The following GLG1 variants were observed in gnomAD, a reference collection of about 807,000 sequenced individuals.
The protein encoded by GLG1 is golgi glycoprotein 1.
A neutral mutation model predicts 160.5 loss-of-function variants in GLG1; 38 were observed. The observed-to-expected ratio is 0.24, with a 90% confidence interval of 0.18 to 0.31. The LOEUF (loss-of-function observed/expected upper bound fraction) is 0.31, where lower values mean the gene tolerates loss of function less well. Among genes scored for constraint, GLG1 ranks in the 10% least tolerant of loss-of-function variants. GLG1 has a pLI of 1.00. For synonymous variants in GLG1, 644 were observed against 543.4 expected, an observed-to-expected ratio of 1.19 and a Z score of -2.57; for missense variants, 1,373 against 1,505.2, an observed-to-expected ratio of 0.91 and a Z score of 1.45.
intron 1 of GLG1, among the ~76,000 whole-genome samples, chr16:74,550,505 G>A (rs1352123598): frequency 1.3e-5 from 2 of 152,124 alleles, no homozygotes; most frequent in African/African-American, 4.8e-5. Flanking sequence ...TCATTGGCAT[G>A]GGCAGGCGAG....
At chr16:74,594,571 T>C (rs1326779197) in intron 1 of GLG1, among the ~76,000 whole-genome samples, 2 of 152,136 alleles carry the variant, frequency 1.3e-5, no homozygotes, top group Non-Finnish European at 2.9e-5. Context: ...TAGGATCTTT[T>C]CTTAAGTTTC....
chr16:74,496,328 G>T, intron 5 of GLG1, 113 bp downstream of exon 5: 1 of 746,510 alleles, frequency 1.3e-6, no homozygotes, highest in Non-Finnish European at 2.2e-6. Flanking sequence ...ACCAGCCTGG[G>T]CAACATAGCA....
intron 12 of GLG1, among the ~76,000 whole-genome samples, chr16:74,474,963 C>A (rs1246152094): frequency 3.9e-5 from 6 of 151,944 alleles, no homozygotes; most frequent in African/African-American, 1.5e-4. Flanking sequence ...TCGAGACCAG[C>A]CTGGCCAACA....
chr16:74,495,277 C>T (rs1456298711), intron 5 of GLG1, among the ~76,000 whole-genome samples: 4 of 152,076 alleles, frequency 2.6e-5, no homozygotes, highest in African/African-American at 7.2e-5. Context: ...CCCTGCCCAA[C>T]TAATTTTTTT....
chr16:74,464,817 G>C (rs144574578), intron 19 of GLG1, among the ~76,000 whole-genome samples: 13 of 151,696 alleles, frequency 8.6e-5, no homozygotes, highest in African/African-American at 2.9e-4. Context: ...AAAGGAGCTA[G>C]AACCTTTAGT....
intron 3 of GLG1, among the ~76,000 whole-genome samples, chr16:74,506,950 T>C (rs1013411756): frequency 3.3e-5 from 5 of 152,152 alleles, no homozygotes; most frequent in African/African-American, 9.7e-5. Context: ...AGTCACTCTA[T>C]TTTTTGACTG....
intron 1 of GLG1, among the ~76,000 whole-genome samples, chr16:74,538,075 C>T (rs1319079885): frequency 1.3e-5 from 2 of 150,860 alleles, no homozygotes; most frequent in African/African-American, 4.9e-5. Context: ...ACAGTTTCCA[C>T]TGAAGCTGAA....
chr16:74,567,078 C>T (rs756747538), intron 1 of GLG1, among the ~76,000 whole-genome samples: 3 of 151,992 alleles, frequency 2.0e-5, no homozygotes, highest in Non-Finnish European at 2.9e-5. Context: ...TTTCAGGCCG[C>T]TTAATGGGTC....
intron 2 of GLG1, among the ~76,000 whole-genome samples, chr16:74,522,214 G>C (rs1219665237): frequency 6.6e-6 from 1 of 152,230 alleles, no homozygotes; most frequent in Non-Finnish European, 1.5e-5. Context: ...TTTACTCATA[G>C]GGCTGTTGCG....
chr16:74,532,290 T>C (rs548683301), intron 1 of GLG1, 137 bp from the exon 2 acceptor site: 36 of 343,992 alleles, frequency 1.0e-4, no homozygotes, highest in Non-Finnish European at 1.7e-4. Flanking sequence ...AATATGCTTC[T>C]TCAACATAAG....
intron 1 of GLG1, among the ~76,000 whole-genome samples, chr16:74,547,539 G>T (rs916927662): frequency 4.6e-5 from 7 of 152,220 alleles, no homozygotes; most frequent in Non-Finnish European, 1.0e-4. Flanking sequence ...CACAGGGTAA[G>T]ACTATGGAAT....
chr16:74,451,281 C>G lies in GLG1; in HGVS notation c.*1886G>C, dbSNP rs2014290630. On this transcript the variant is annotated 3_prime_UTR_variant, in exon 26 of 26. Coordinates refer to ENST00000422840, the MANE Select transcript of GLG1 (RefSeq NM_001145667.2). ...ACAGCTGTTGACAATCAGGAAGACCCTACAAGCAGGACCGAGGGGACTAAG... is the reference window on the plus strand; with the variant it reads ...ACAGCTGTTGACAATCAGGAAGACCGTACAAGCAGGACCGAGGGGACTAAG... The G allele has an allele frequency of 6.6e-6, 1 of 152,196 alleles. No individual in the cohort carries two copies. Among genetic ancestry groups the G allele is most frequent in the Non-Finnish European group, 1.5e-5 (1 of 68,056 alleles). 9.4% of individuals were successfully genotyped at this position (152,196 alleles called of 1,614,324 possible). A position where few individuals can be genotyped will look rare whatever the true frequency, so the allele number is the denominator to read the frequency against.
chr16:74,592,060 C>T (rs929777638), intron 1 of GLG1, among the ~76,000 whole-genome samples: 6 of 152,172 alleles, frequency 3.9e-5, no homozygotes, highest in African/African-American at 1.4e-4. Flanking sequence ...GGTCTCAAAC[C>T]TCTGGCTTAT....
intron 4 of GLG1, among the ~76,000 whole-genome samples, chr16:74,499,913 G>C (rs1333686065): frequency 3.9e-5 from 6 of 152,190 alleles, no homozygotes; most frequent in South Asian, 2.1e-4. Flanking sequence ...TGAGGCAGGA[G>C]AATGGCATGA....
intron 2 of GLG1, among the ~76,000 whole-genome samples, chr16:74,514,654 T>C (rs914898154): frequency 4.6e-5 from 7 of 152,002 alleles, no homozygotes; most frequent in Non-Finnish European, 7.4e-5. Flanking sequence ...TAAACATGGA[T>C]AGGAACAACC....
rs546970815 is a variant in GLG1 at position 74,474,691 on chromosome 16, G to C, written c.1966-59C>G. The C allele has an allele frequency of 3.6e-6, 3 of 827,802 alleles. No homozygotes were observed. The South Asian group carries it at 4.0e-5, about 11-fold the overall frequency. 51.3% of individuals were successfully genotyped at this position (827,802 alleles called of 1,614,324 possible). The stretch of plus-strand genomic sequence containing the variant: ...CAGTCACATACATGAACAAGGCAAG[G>C]GGAGATATCAGCGTCATGACACTTC... On this transcript the variant is annotated intron_variant, in intron 12 of 25. Transcript: ENST00000422840.
intron 25 of GLG1, 50 bp downstream of exon 25, chr16:74,456,599 G>C (rs1326454503): frequency 1.8e-6 from 2 of 1,091,282 alleles, no homozygotes; most frequent in Admixed American, 3.6e-5. Flanking sequence ...TTGGTGAAGT[G>C]TTCCATATTT....
chr16:74,529,899 T>C (rs1445722473), intron 2 of GLG1, among the ~76,000 whole-genome samples: 3 of 142,960 alleles, frequency 2.1e-5, no homozygotes, highest in Admixed American at 7.2e-5. Context: ...GCAACTTCTA[T>C]CTCCCCGGTT....
intron 2 of GLG1, 94 bp from the exon 3 acceptor site, chr16:74,509,019 CAG>C (rs1228521207): frequency 4.8e-6 from 3 of 628,136 alleles, no homozygotes; most frequent in African/African-American, 3.6e-5. Flanking sequence ...GCCAATTATA[CAG>C]AGTCAGACAA....
Sources: gnomAD v4.1 joint callset for allele counts (sites outside exome capture counted in the v4.1 genomes callset) on GRCh38, gnomAD v4.1.1 for gene constraint, MANE v1.5 for transcripts, NCBI Gene and HGNC (gene_info 2026-07-23, HGNC 2026-07-21) for gene names.